The following APC variants were observed in gnomAD, a reference collection of about 807,000 sequenced individuals.
APC encodes adenomatous polyposis coli protein.
APC carries 72 observed loss-of-function variants against 247.0 expected under a neutral mutation model. The ratio of observed to expected loss-of-function variants is 0.29; its 90% confidence interval spans 0.24 to 0.35. The LOEUF (loss-of-function observed/expected upper bound fraction) is 0.35, where lower values mean the gene tolerates loss of function less well. Among genes scored for constraint, APC ranks in the 10% least tolerant of loss-of-function variants. The pLI is 1.00. For synonymous variants in APC, 1,254 were observed against 1,162.5 expected (o/e 1.08, Z -1.60); for missense variants, 3,400 against 3,360.7 (o/e 1.01, Z -0.29).
Position 112,842,745 on chromosome 5 carries a change from T to C in APC, c.7151T>C (p.Leu2384Ser). 6.2e-7 allele frequency: 1 copy of C among 1,614,012 alleles called. No individual in the cohort carries two copies. The highest frequency in any genetic ancestry group is 8.5e-7 in the Non-Finnish European group (1 of 1,179,892). The change falls in exon 16 of 16, where the codon TTA becomes TCA. Residue 2384 changes from leucine to serine, a missense_variant. Coordinates refer to ENST00000257430, the MANE Select transcript of APC (RefSeq NM_000038.6). ...SQQNLTKQTG[L>S]SKNASSIPRS... The stretch of plus-strand genomic sequence containing the variant: ...CAGAACCTTACCAAACAAACAGGTT[T>C]ATCCAAGAATGCCAGTAGTATTCCA...
At chr5:112,765,137 C>G (rs1756132046) in intron 2 of APC, among the ~76,000 whole-genome samples, 1 of 152,174 alleles carries the variant, frequency 6.6e-6, no homozygotes, top group Non-Finnish European at 1.5e-5. Context: ...TGAGGTCTCA[C>G]TCTGTCCCCC....
chr5:112,721,059 G>A (rs1751458350), intron 1 of APC, among the ~76,000 whole-genome samples: 1 of 152,164 alleles, frequency 6.6e-6, no homozygotes, highest in Admixed American at 6.5e-5. Flanking sequence ...AGTAAGGTGA[G>A]GGAATGTTGA....
chr5:112,773,463 C>T (rs1214582134), intron 4 of APC, among the ~76,000 whole-genome samples: 6 of 152,286 alleles, frequency 3.9e-5, no homozygotes, highest in Admixed American at 2.0e-4. Context: ...CCACCCACTA[C>T]GTGCAGTCAA....
At position 112,818,850 on chromosome 5, in the gene APC, G is replaced by C. The variant is rs1014645163; in HGVS notation, c.934-116G>C. ...CGGTTTTTTGTTTTTTTTTTGGCGG[G>C]GGGGGTTGTTTTGTTTTTTTAGAGT... is the stretch of plus-strand genomic sequence containing the variant. On this transcript the variant is annotated intron_variant, in intron 9 of 15. Coordinates refer to ENST00000257430, the MANE Select transcript of APC (RefSeq NM_000038.6). 110 of 1,065,918 alleles carry C rather than the reference G, an allele frequency of 1.0e-4. 6 individuals carry two copies. The highest frequency in any genetic ancestry group is 1.4e-4 in the Non-Finnish European group (100 of 729,290). 66.0% of individuals were successfully genotyped at this position (1,065,918 alleles called of 1,614,324 possible). A position where few individuals can be genotyped will look rare whatever the true frequency, so the allele number is the denominator to read the frequency against.
intron 1 of APC, chr5:112,707,923 G>C (rs1580997456): frequency 7.6e-7 from 1 of 1,320,432 alleles, no homozygotes; most frequent in South Asian, 1.4e-5. Flanking sequence ...TCCCGGCAAA[G>C]CTTCCTCGGC....
At chr5:112,834,510 T>C (rs898212780) in intron 14 of APC, among the ~76,000 whole-genome samples, 1 of 152,124 alleles carries the variant, frequency 6.6e-6, no homozygotes, top group African/African-American at 2.4e-5. Context: ...CCCAAAGTGC[T>C]GGGATTACAG....
At chr5:112,718,677 T>C (rs998066839) in intron 1 of APC, among the ~76,000 whole-genome samples, 2 of 152,260 alleles carry the variant, frequency 1.3e-5, no homozygotes, top group Non-Finnish European at 2.9e-5. Flanking sequence ...TCTTATTCAT[T>C]CCTCGTTATT....
At chr5:112,778,384 AT>A (rs1757917019) in intron 5 of APC, 1 of 152,100 alleles carries the variant, frequency 6.6e-6, no homozygotes. Context: ...AGCAGCACAT[AT>A]CCTAAAACTG....
At chr5:112,710,326 C>T (rs1750777672) in intron 1 of APC, among the ~76,000 whole-genome samples, 1 of 152,128 alleles carries the variant, frequency 6.6e-6, no homozygotes, top group Non-Finnish European at 1.5e-5. Context: ...TTAATCTCTT[C>T]CTTTGCTGAG....
chr5:112,707,652 A>G (rs1750593254), exon 1 of APC: 2 of 1,357,832 alleles, frequency 1.5e-6, no homozygotes, highest in Non-Finnish European at 1.9e-6. Flanking sequence ...GTTCCCAGGT[A>G]CTGTTGTTGG....
intron 4 of APC, among the ~76,000 whole-genome samples, chr5:112,773,865 A>T (rs1053723664): frequency 6.6e-6 from 1 of 152,230 alleles, no homozygotes; most frequent in Non-Finnish European, 1.5e-5. Flanking sequence ...CAAAATGTTT[A>T]ATCTCACTCA....
intron 4 of APC, among the ~76,000 whole-genome samples, chr5:112,772,139 C>T (rs1034148090): frequency 9.9e-5 from 15 of 151,968 alleles, no homozygotes; most frequent in African/African-American, 3.4e-4. Context: ...TCTAGGTGAC[C>T]CCCAGTAAGG....
chr5:112,797,164 TA>T (rs1391935151), intron 7 of APC, among the ~76,000 whole-genome samples: 2 of 152,190 alleles, frequency 1.3e-5, no homozygotes, highest in Non-Finnish European at 2.9e-5. Context: ...TTCCTTTTGT[TA>T]TGATAATAGT....
intron 15 of APC, 77 bp downstream of exon 15, chr5:112,835,242 T>C: frequency 7.7e-7 from 1 of 1,298,268 alleles, no homozygotes; most frequent in African/African-American, 1.5e-5. Flanking sequence ...AGCAATGTTT[T>C]ATATAATCAT....
chr5:112,830,014 C>G (rs1392445194), intron 14 of APC: 3 of 152,092 alleles, frequency 2.0e-5, no homozygotes, highest in African/African-American at 7.2e-5. Context: ...GGTTTCCTTT[C>G]ACCCAGCTAG....
At chr5:112,822,651 A>G (rs1763258094) in intron 11 of APC, among the ~76,000 whole-genome samples, 1 of 152,142 alleles carries the variant, frequency 6.6e-6, no homozygotes, top group African/African-American at 2.4e-5. Context: ...CATTTTGTAC[A>G]TGTGGTATTT....
Position 112,843,981 on chromosome 5 carries a change from A to G in APC, c.8387A>G (p.Asp2796Gly), listed in dbSNP as rs773103933. Reference sequence around the variant, plus strand: ...CCAAGCCCTAGGAAAAGCAGCGCAGATAGCACTTCAGCTCGGCCATCTCAG... The same window carrying G: ...CCAAGCCCTAGGAAAAGCAGCGCAGGTAGCACTTCAGCTCGGCCATCTCAG... ...YNPSPRKSSA[D>G]STSARPSQIP... Residue 2796 changes from aspartate (D) to glycine (G), a missense_variant, in exon 16 of 16, where the codon GAT (aspartate) becomes GGT (glycine). Asp to Gly is a moderately conservative substitution (Grantham distance 94, BLOSUM62 -1). Coordinates refer to ENST00000257430, the MANE Select transcript of APC (RefSeq NM_000038.6). This position sits in a 1 kb window ranked among gnomAD's most constrained non-coding sequence, Gnocchi z 4.8. 6.2e-7 allele frequency: 1 copy of G among 1,602,406 alleles called. No individual in the cohort carries two copies. Among genetic ancestry groups the G allele is most frequent in the South Asian group, 1.1e-5 (1 of 89,054 alleles).
rs1580691326 is a variant in APC at position 112,843,817 on chromosome 5, A to T, written c.8223A>T (p.Gly2741=). ...PDQKGTEIKP[G]QNNPVPVSET... is the part of the protein sequence containing the mutation. ...AAAAAGGAACTGAGATAAAACCAGG[A>T]CAAAATAATCCTGTCCCTGTATCAG... is the stretch of plus-strand genomic sequence containing the variant. Residue 2741 remains glycine, a synonymous_variant, in exon 16 of 16, where the codon GGA becomes GGT. Transcript: ENST00000257430. This position sits in a 1 kb window ranked among gnomAD's most constrained non-coding sequence, Gnocchi z 4.8. The T allele has an allele frequency of 6.2e-7, 1 of 1,614,084 alleles. No individual in the cohort carries two copies. The highest frequency in any genetic ancestry group is 1.1e-5 in the South Asian group (1 of 91,082).
chr5:112,737,161 A>T (rs909864393), upstream of APC, among the ~76,000 whole-genome samples: 1 of 152,204 alleles, frequency 6.6e-6, no homozygotes, highest in Admixed American at 6.5e-5. Context: ...CAGCACTTCT[A>T]TGTATGTGTC....
Sources: allele counts gnomAD v4.1 joint callset (sites outside exome capture counted in the v4.1 genomes callset), GRCh38; gene constraint gnomAD v4.1.1; non-coding constraint Gnocchi (gnomAD v3.1); transcripts MANE v1.5; gene names NCBI Gene and HGNC (gene_info 2026-07-23, HGNC 2026-07-21).